DNAH9: variants seen among roughly 807,000 people sequenced by gnomAD.
DNAH9 encodes DNAH9 variant protein.
A neutral mutation model predicts 471.6 loss-of-function variants in DNAH9; 345 were observed. The observed-to-expected ratio is 0.73, with a 90% CI of 0.67 to 0.80. The LOEUF (loss-of-function observed/expected upper bound fraction) is 0.80. Ranked by LOEUF, DNAH9 falls within the 30% of genes least tolerant of loss-of-function variation. The probability of loss-of-function intolerance (pLI) is 0.00; values close to 1 mark genes in which losing one functional copy is unlikely to be tolerated. For missense variants in DNAH9, 5,407 were observed against 5,609.2 expected, an observed-to-expected ratio of 0.96 and a Z score of 1.15; for synonymous variants, 2,093 against 2,123.6, an observed-to-expected ratio of 0.99 and a Z score of 0.40.
chr17:11,899,545 T>C (rs1224628002), intron 59 of DNAH9, among the ~76,000 whole-genome samples: 2 of 152,214 alleles, frequency 1.3e-5, no homozygotes, highest in African/African-American at 4.8e-5. Flanking sequence ...TTTGCCTCAT[T>C]TGGAAGATTA....
chr17:11,618,592 A>AT (rs992916184), intron 5 of DNAH9, among the ~76,000 whole-genome samples: 4 of 151,512 alleles, frequency 2.6e-5, no homozygotes, highest in Non-Finnish European at 5.9e-5. Flanking sequence ...CTCAAAAAAA[A>AT]AAAAAAGAAC....
At chr17:11,631,461 C>T (rs1376774505) in intron 7 of DNAH9, among the ~76,000 whole-genome samples, 5 of 151,988 alleles carry the variant, frequency 3.3e-5, no homozygotes, top group Admixed American at 6.6e-5. Flanking sequence ...CTGGCCAACA[C>T]AGTGAAACCC....
chr17:11,632,835 G>C (rs2073094840), intron 8 of DNAH9, 132 bp downstream of exon 8: 3 of 515,524 alleles, frequency 5.8e-6, no homozygotes, highest in Non-Finnish European at 7.0e-6. Context: ...TAGTAGAGAA[G>C]GATATGGGAA....
At chr17:11,693,284 G>A (rs1394747742) in intron 20 of DNAH9, among the ~76,000 whole-genome samples, 3 of 106,404 alleles carry the variant, frequency 2.8e-5, no homozygotes, top group African/African-American at 3.9e-5. Flanking sequence ...TCCCTCTGTC[G>A]TCCAGGCTGG....
chr17:11,757,760 T>G, intron 35 of DNAH9, 68 bp downstream of exon 35: 1 of 1,519,104 alleles, frequency 6.6e-7, no homozygotes, highest in Non-Finnish European at 9.0e-7. Context: ...TCACACCTAG[T>G]GTCCTGCTGA....
intron 26 of DNAH9, among the ~76,000 whole-genome samples, chr17:11,711,665 C>A (rs1479194872): frequency 6.6e-6 from 1 of 151,448 alleles, no homozygotes; most frequent in Non-Finnish European, 1.5e-5. Flanking sequence ...AAAATATAAA[C>A]CACTGGGGTT....
chr17:11,811,625 C>A (rs1243222992), intron 45 of DNAH9, among the ~76,000 whole-genome samples: 1 of 152,124 alleles, frequency 6.6e-6, no homozygotes, highest in Non-Finnish European at 1.5e-5. Flanking sequence ...GTCCATCACC[C>A]CAGAGTGGGT....
intron 27 of DNAH9, among the ~76,000 whole-genome samples, chr17:11,721,915 G>A (rs1018392112): frequency 1.3e-5 from 2 of 152,070 alleles, no homozygotes; most frequent in African/African-American, 4.8e-5. Flanking sequence ...CCCAACCAAG[G>A]CTCAGTTTTG....
rs116068440 is a variant in DNAH9 at position 11,868,037 on chromosome 17, T to A, written c.9934-1097T>A. Among the ~76,000 whole-genome samples, 836 of 152,356 alleles carry A rather than the reference T, an allele frequency of 5.5e-3. 11 individuals carry two copies. The highest frequency in any genetic ancestry group is 0.019 in the African/African-American group (781 of 41,588). ...CAGCTAACTCTAAGTTGTCACGTCC[T>A]CTGCCCTGCTCCAGCGGTCTCCACT... is the stretch of plus-strand genomic sequence containing the variant. On this transcript the variant is annotated intron_variant, in intron 50 of 68. Transcript: ENST00000262442.
In DNAH9 at chr17:11,598,530, C is replaced by G; in HGVS notation, c.32C>G (p.Ala11Gly). MRLAEERAAL[A>G]AENADGEPGA... ...CTCGCGGAGGAGCGGGCCGCGCTCG[C>G]GGCGGAGAACGCGGATGGGGAACCC... Residue 11 changes from alanine to glycine, a missense_variant, in exon 1 of 69, where the codon GCG (alanine) becomes GGG (glycine). Coordinates refer to ENST00000262442, the MANE Select transcript of DNAH9 (RefSeq NM_001372.4). The G allele has an allele frequency of 7.1e-7, 1 of 1,399,762 alleles. No homozygotes were observed. The allele number at this position is 1,399,762 out of a possible 1,614,324, so 86.7% of individuals were successfully genotyped here. A position where few individuals can be genotyped will look rare whatever the true frequency, so the allele number is the denominator to read the frequency against.
intron 41 of DNAH9, among the ~76,000 whole-genome samples, chr17:11,788,916 GT>G (rs1373718797): frequency 1.3e-5 from 2 of 152,020 alleles, no homozygotes; most frequent in African/African-American, 4.8e-5. Flanking sequence ...ATTTTTCTGT[GT>G]ATAGTTTGCT....
At chr17:11,614,447 A>C (rs75122130) in intron 4 of DNAH9, among the ~76,000 whole-genome samples, 380 of 152,302 alleles carry the variant, frequency 2.5e-3, no homozygotes, top group African/African-American at 8.9e-3. Flanking sequence ...AATCTTGGAA[A>C]ACAGGAAAGC....
At chr17:11,642,435 C>T (rs1268615156) in intron 10 of DNAH9, among the ~76,000 whole-genome samples, 1 of 151,852 alleles carries the variant, frequency 6.6e-6, no homozygotes, top group Non-Finnish European at 1.5e-5. Context: ...GCCTGTAATC[C>T]CAGCTACTCA....
chr17:11,697,060 G>A lies in DNAH9; in HGVS notation c.4872+2613G>A, dbSNP rs183114003. On this transcript the variant is annotated intron_variant, in intron 22 of 68. Coordinates refer to ENST00000262442, the MANE Select transcript of DNAH9 (RefSeq NM_001372.4). ...ATTTTTTAAAATTCTTTGTAGAGAC[G>A]GGGTCTTGCTGATTTTGAACTCCTG... Among the ~76,000 whole-genome samples, 506 of 152,068 alleles carry A rather than the reference G, an allele frequency of 3.3e-3. 2 individuals are homozygous for A. The highest frequency in any genetic ancestry group is 5.6e-3 in the Non-Finnish European group (379 of 67,986).
At chr17:11,645,879 C>CTTTTTTT (rs760279719) in intron 11 of DNAH9, among the ~76,000 whole-genome samples, 25 of 70,584 alleles carry the variant, frequency 3.5e-4, no homozygotes, top group East Asian at 6.7e-4. Flanking sequence ...TTTTCTTTTT[C>CTTTTTTT]TTTTTTTTTT....
At chr17:11,679,225 T>G (rs552099669) in intron 17 of DNAH9, among the ~76,000 whole-genome samples, 11 of 152,266 alleles carry the variant, frequency 7.2e-5, no homozygotes, top group Non-Finnish European at 1.2e-4. Context: ...AAAGGCCTAC[T>G]GAAAATTATG....
chr17:11,677,355 T>C (rs118032456), intron 17 of DNAH9, among the ~76,000 whole-genome samples: 5,222 of 152,314 alleles, frequency 0.034, 144 homozygotes, highest in Non-Finnish European at 0.053. Context: ...ACTTTTTATA[T>C]CTTCTTGGAA....
At chr17:11,662,787 G>A (rs1164622753) in intron 14 of DNAH9, among the ~76,000 whole-genome samples, 3 of 104,328 alleles carry the variant, frequency 2.9e-5, no homozygotes, top group African/African-American at 3.7e-5. Flanking sequence ...ACGGAGTCTC[G>A]CTCTGTCGCC....
chr17:11,811,016 G>A (rs190348237), intron 45 of DNAH9, among the ~76,000 whole-genome samples: 43 of 152,224 alleles, frequency 2.8e-4, no homozygotes, highest in African/African-American at 8.9e-4. Context: ...AATTCAGTAC[G>A]TATACCAACA....
Sources: gnomAD v4.1 joint callset for allele counts (sites outside exome capture counted in the v4.1 genomes callset) on GRCh38, gnomAD v4.1.1 for gene constraint, MANE v1.5 for transcripts, NCBI Gene and HGNC (gene_info 2026-07-23, HGNC 2026-07-21) for gene names.